CCDC7: variants seen among roughly 807,000 people sequenced by gnomAD.
CCDC7 encodes coiled-coil domain containing 7, also known as coiled-coil domain-containing protein 7.
CCDC7 carries 183 observed loss-of-function variants against 196.9 expected under a neutral mutation model. The observed-to-expected ratio is 0.93, with a 90% CI of 0.82 to 1.05. The LOEUF (loss-of-function observed/expected upper bound fraction) is 1.05. Ranked by LOEUF, CCDC7 falls within the 50% of genes least tolerant of loss-of-function variation. The pLI is 0.00. For missense variants in CCDC7, 1,540 were observed against 1,482.2 expected, an observed-to-expected ratio of 1.04 and a Z score of -0.64; for synonymous variants, 525 against 484.6, an observed-to-expected ratio of 1.08 and a Z score of -1.10.
intron 28 of CCDC7, among the ~76,000 whole-genome samples, chr10:32,744,101 A>C (rs1344274426): frequency 2.0e-5 from 3 of 151,842 alleles, no homozygotes; most frequent in African/African-American, 7.3e-5. Context: ...ACAAACCTGC[A>C]CATTGTGCAC....
intron 24 of CCDC7, among the ~76,000 whole-genome samples, chr10:32,696,671 G>GA (rs2077771386): frequency 6.6e-6 from 1 of 152,276 alleles, no homozygotes; most frequent in East Asian, 1.9e-4. Context: ...CCCTGGTGAA[G>GA]AGCCCATTAA....
intron 8 of CCDC7, among the ~76,000 whole-genome samples, chr10:32,483,598 A>G (rs1209751492): frequency 2.0e-5 from 3 of 152,158 alleles, no homozygotes; most frequent in East Asian, 1.9e-4. Flanking sequence ...GGTATTGCCT[A>G]GGTTTTCTTC....
chr10:32,749,224 CTTG>C (rs375000347), intron 28 of CCDC7, among the ~76,000 whole-genome samples: 60 of 152,058 alleles, frequency 3.9e-4, no homozygotes, highest in African/African-American at 1.4e-3. Flanking sequence ...CAGCTTTTTA[CTTG>C]TTGTTAGGAT....
intron 18 of CCDC7, among the ~76,000 whole-genome samples, chr10:32,622,708 C>T (rs1414426909): frequency 6.6e-6 from 1 of 151,956 alleles, no homozygotes; most frequent in Non-Finnish European, 1.5e-5. Context: ...TAGCGACCCT[C>T]AGTTGTAAGA....
At chr10:32,803,685 A>G (rs974148662) in intron 29 of CCDC7, among the ~76,000 whole-genome samples, 1 of 152,090 alleles carries the variant, frequency 6.6e-6, no homozygotes, top group African/African-American at 2.4e-5. Flanking sequence ...TTTGTTATCA[A>G]TTCTGTCTGT....
chr10:32,529,542 T>A (rs1289794447), intron 11 of CCDC7, among the ~76,000 whole-genome samples: 2 of 152,206 alleles, frequency 1.3e-5, no homozygotes, highest in Admixed American at 1.3e-4. Flanking sequence ...AGCATTTTTT[T>A]ATGTTTATTG....
intron 20 of CCDC7, among the ~76,000 whole-genome samples, chr10:32,662,807 A>C (rs192068975): frequency 6.6e-6 from 1 of 152,174 alleles, no homozygotes; most frequent in South Asian, 2.1e-4. Flanking sequence ...CTAGATAACC[A>C]ATGAGAGTAG....
chr10:32,474,681 T>C (rs1396424756), intron 8 of CCDC7, among the ~76,000 whole-genome samples: 1 of 152,184 alleles, frequency 6.6e-6, no homozygotes, highest in East Asian at 1.9e-4. Flanking sequence ...TACTAGGAAT[T>C]ATATCCACAA....
intron 13 of CCDC7, among the ~76,000 whole-genome samples, chr10:32,562,724 C>T (rs983783138): frequency 6.7e-6 from 1 of 149,296 alleles, no homozygotes; most frequent in Non-Finnish European, 1.5e-5. Flanking sequence ...GAAGCATTCC[C>T]TTTGAAACTG....
At chr10:32,596,682 T>C (rs1176991114) in intron 18 of CCDC7, among the ~76,000 whole-genome samples, 2 of 152,228 alleles carry the variant, frequency 1.3e-5, no homozygotes, top group Non-Finnish European at 2.9e-5. Flanking sequence ...CCTTTCCATG[T>C]TTAGTGCTTC....
chr10:32,817,317 T>C (rs942069974), intron 31 of CCDC7, among the ~76,000 whole-genome samples: 2 of 152,074 alleles, frequency 1.3e-5, no homozygotes, highest in Non-Finnish European at 2.9e-5. Flanking sequence ...AACAAAGCCT[T>C]CAAGAAATAT....
intron 18 of CCDC7, among the ~76,000 whole-genome samples, chr10:32,585,077 AT>A (rs201630911): frequency 0.089 from 12,879 of 145,520 alleles, 717 homozygotes; most frequent in East Asian, 0.32. Context: ...CTAAACTTAA[AT>A]TTTTTTTTTT....
chr10:32,844,189 C>T (rs139772480), intron 33 of CCDC7, among the ~76,000 whole-genome samples: 1 of 151,966 alleles, frequency 6.6e-6, no homozygotes, highest in Admixed American at 6.6e-5. Context: ...ATGTATTTTT[C>T]CTGTTATATG....
upstream of CCDC7, chr10:32,451,619 T>C (rs61735137): frequency 5.3e-3 from 8,179 of 1,548,842 alleles, 379 homozygotes; most frequent in African/African-American, 0.096. Context: ...TCATCTGTAA[T>C]TTGGAAGCCA....
chr10:32,500,430 G>T (rs910824900), intron 9 of CCDC7, among the ~76,000 whole-genome samples: 1 of 150,954 alleles, frequency 6.6e-6, no homozygotes, highest in Non-Finnish European at 1.5e-5. Context: ...AGGCAGAGGC[G>T]CTCTTCACAT....
At chr10:32,568,006 G>GTTT (rs35485110) in intron 15 of CCDC7, 115 bp downstream of exon 16, 1,100 of 596,212 alleles carry the variant, frequency 1.8e-3, no homozygotes, top group African/African-American at 2.7e-3. Context: ...CTGTTTTTGG[G>GTTT]TTTTTTTTTT....
intron 28 of CCDC7, among the ~76,000 whole-genome samples, chr10:32,739,035 T>C (rs1226662987): frequency 6.6e-6 from 1 of 152,138 alleles, no homozygotes; most frequent in African/African-American, 2.4e-5. Flanking sequence ...TTTTAAGTTT[T>C]TCCCACCTCT....
intron 29 of CCDC7, among the ~76,000 whole-genome samples, chr10:32,791,450 A>G (rs189100751): frequency 1.7e-3 from 265 of 151,732 alleles, no homozygotes; most frequent in Middle Eastern, 0.014. Context: ...AGATATAAGA[A>G]AATACAAATA....
intron 18 of CCDC7, among the ~76,000 whole-genome samples, chr10:32,611,850 G>A (rs2062180079): frequency 6.6e-6 from 1 of 152,172 alleles, no homozygotes; most frequent in Admixed American, 6.5e-5. Context: ...AAGTCAGGTA[G>A]CATGATGCCT....
Sources: gnomAD v4.1 joint callset for allele counts (sites outside exome capture counted in the v4.1 genomes callset) on GRCh38, gnomAD v4.1.1 for gene constraint, MANE v1.5 for transcripts, NCBI Gene and HGNC (gene_info 2026-07-23, HGNC 2026-07-21) for gene names.